The following KHDRBS2 variants were observed in gnomAD, a reference collection of about 807,000 sequenced individuals.
The protein encoded by KHDRBS2 is KH RNA binding domain containing, signal transduction associated 2, also known as KH domain-containing, RNA-binding, signal transduction-associated protein 2.
KHDRBS2 carries 26 observed loss-of-function variants against 44.3 expected under a neutral mutation model. The ratio of observed to expected loss-of-function variants is 0.59; its 90% CI spans 0.43 to 0.81. The LOEUF (loss-of-function observed/expected upper bound fraction) is 0.81, where lower values mean the gene tolerates loss of function less well. Among genes scored for constraint, KHDRBS2 ranks in the 40% least tolerant of loss-of-function variants. The probability of loss-of-function intolerance (pLI) is 0.00; values close to 1 mark genes in which losing one functional copy is unlikely to be tolerated. For missense variants in KHDRBS2, 476 were observed against 433.1 expected (o/e 1.10, Z -0.88); for synonymous variants, 194 against 151.1 (o/e 1.28, Z -2.08).
chr6:61,946,051 C>T (rs1813312605), intron 4 of KHDRBS2, among the ~76,000 whole-genome samples: 1 of 152,156 alleles, frequency 6.6e-6, no homozygotes, highest in Non-Finnish European at 1.5e-5. Context: ...ATAATGCAGG[C>T]ATCATCTCTT....
At chr6:61,915,281 C>A (rs1052465288) in intron 4 of KHDRBS2, among the ~76,000 whole-genome samples, 1 of 151,954 alleles carries the variant, frequency 6.6e-6, no homozygotes, top group African/African-American at 2.4e-5. Flanking sequence ...AGACAAAAGG[C>A]AATGGAAGTT....
At chr6:61,859,890 TATC>T (rs1459060395) in intron 6 of KHDRBS2, among the ~76,000 whole-genome samples, 1 of 151,976 alleles carries the variant, frequency 6.6e-6, no homozygotes, top group African/African-American at 2.4e-5. Context: ...GGAATTCAAA[TATC>T]ATATTAAAAG....
chr6:62,049,587 C>T (rs979253318), intron 2 of KHDRBS2, among the ~76,000 whole-genome samples: 5 of 151,418 alleles, frequency 3.3e-5, no homozygotes, highest in Non-Finnish European at 7.4e-5. Flanking sequence ...AGTGTCTGCT[C>T]ATATACTTCA....
intron 8 of KHDRBS2, among the ~76,000 whole-genome samples, chr6:61,681,943 C>G (rs551423346): frequency 6.4e-4 from 97 of 151,992 alleles, no homozygotes; most frequent in African/African-American, 2.2e-3. Context: ...TTTGGTCTCT[C>G]AATCAGAATT....
In KHDRBS2 at chr6:61,922,748, C is replaced by A. The variant is rs1427109935; in HGVS notation, c.484-21377G>T. Among the ~76,000 whole-genome samples the A allele has an allele frequency of 1.3e-5, 2 of 152,082 alleles. 1 individual carries two copies. Among genetic ancestry groups the A allele is most frequent in the Admixed American group, 1.3e-4 (2 of 15,234 alleles). On this transcript the variant is annotated intron_variant, in intron 4 of 8. Transcript: ENST00000281156. ...TCTCTATATTAAACAGCTCTTCAGT[C>A]TTGCCTTTAAAAAGTTATAAAAGCA...
chr6:62,024,351 C>A (rs1247365200), intron 3 of KHDRBS2, among the ~76,000 whole-genome samples: 1 of 151,430 alleles, frequency 6.6e-6, no homozygotes, highest in Non-Finnish European at 1.5e-5. Context: ...GGAAAACATG[C>A]ATTTCAAAAT....
chr6:62,075,016 G>A (rs559738653), intron 2 of KHDRBS2, among the ~76,000 whole-genome samples: 2 of 151,874 alleles, frequency 1.3e-5, no homozygotes, highest in South Asian at 2.1e-4. Flanking sequence ...GAACTTGTAT[G>A]TGTGTACACG....
intron 1 of KHDRBS2, among the ~76,000 whole-genome samples, chr6:62,201,003 C>T (rs1428882220): frequency 3.3e-5 from 5 of 152,242 alleles, no homozygotes; most frequent in Admixed American, 1.3e-4. Context: ...CCAAACACCG[C>T]GTGTTCTCAC....
intron 2 of KHDRBS2, among the ~76,000 whole-genome samples, chr6:62,065,377 C>G (rs934463767): frequency 4.0e-5 from 6 of 151,462 alleles, no homozygotes; most frequent in African/African-American, 1.5e-4. Context: ...AGACTTGGAA[C>G]CAACCCAAAT....
At chr6:62,168,720 G>T (rs1294694143) in intron 2 of KHDRBS2, among the ~76,000 whole-genome samples, 1 of 151,980 alleles carries the variant, frequency 6.6e-6, no homozygotes, top group Admixed American at 6.6e-5. Flanking sequence ...ATCTGTAACA[G>T]CTTTGCATTT....
intron 6 of KHDRBS2, among the ~76,000 whole-genome samples, chr6:61,822,598 G>A (rs1790109901): frequency 6.6e-6 from 1 of 151,768 alleles, no homozygotes; most frequent in South Asian, 2.1e-4. Context: ...TGATTCTTAG[G>A]ATGAAGTCTA....
intron 4 of KHDRBS2, among the ~76,000 whole-genome samples, chr6:61,923,191 G>A (rs796102326): frequency 1.3e-5 from 2 of 151,942 alleles, no homozygotes; most frequent in South Asian, 2.1e-4. Context: ...ATGTAAAGAC[G>A]TAGCAACAGA....
intron 4 of KHDRBS2, among the ~76,000 whole-genome samples, chr6:61,970,586 A>G (rs1204702154): frequency 1.3e-5 from 2 of 152,186 alleles, no homozygotes; most frequent in Non-Finnish European, 2.9e-5. Context: ...CTCTGAACAC[A>G]TCGAAGAGTC....
chr6:62,059,234 T>TTTTTTTTTTC (rs1791105023), intron 2 of KHDRBS2, among the ~76,000 whole-genome samples: 1 of 134,574 alleles, frequency 7.4e-6, no homozygotes, highest in Non-Finnish European at 1.5e-5. Flanking sequence ...TTTTTTTTTT[T>TTTTTTTTTTC]GTGCTGAGCA....
intron 6 of KHDRBS2, among the ~76,000 whole-genome samples, chr6:61,881,859 G>A (rs1320305201): frequency 2.6e-5 from 4 of 151,992 alleles, no homozygotes; most frequent in African/African-American, 9.7e-5. Flanking sequence ...TATATTGGCT[G>A]GGGCACCAGT....
At chr6:62,222,066 A>G (rs1830987996) in intron 1 of KHDRBS2, among the ~76,000 whole-genome samples, 1 of 152,200 alleles carries the variant, frequency 6.6e-6, no homozygotes, top group African/African-American at 2.4e-5. Context: ...CCATTGACCA[A>G]AGATATGATA....
intron 1 of KHDRBS2, among the ~76,000 whole-genome samples, chr6:62,284,785 TA>T (rs1187830354): frequency 6.6e-6 from 1 of 152,200 alleles, no homozygotes; most frequent in African/African-American, 2.4e-5. Flanking sequence ...AATGCCTATT[TA>T]AATCATATAT....
chr6:62,149,719 G>C (rs904365727), intron 2 of KHDRBS2, among the ~76,000 whole-genome samples: 3 of 152,062 alleles, frequency 2.0e-5, no homozygotes, highest in Admixed American at 2.0e-4. Flanking sequence ...AGTTAAATAG[G>C]GTGCAGTGAT....
chr6:62,008,094 T>TA (rs1284270312), intron 3 of KHDRBS2, among the ~76,000 whole-genome samples: 1 of 152,172 alleles, frequency 6.6e-6, no homozygotes, highest in East Asian at 1.9e-4. Context: ...TATTCCTGAT[T>TA]AAAACACCAC....
Sources: gnomAD v4.1 joint callset for allele counts (sites outside exome capture counted in the v4.1 genomes callset) on GRCh38, gnomAD v4.1.1 for gene constraint, MANE v1.5 for transcripts, NCBI Gene and HGNC (gene_info 2026-07-23, HGNC 2026-07-21) for gene names.